Variants in MTM1 observed in about 807,000 individuals in gnomAD.
The protein encoded by MTM1 is myotubularin.
Under a neutral mutation model 52.1 loss-of-function variants are expected in MTM1, and 9 were observed. The ratio of observed to expected loss-of-function variants is 0.17; its 90% CI spans 0.10 to 0.30. The LOEUF is 0.30. MTM1 is among the 10% of genes least tolerant of loss of function. The pLI is 1.00. For missense variants in MTM1, 277 were observed against 470.7 expected (o/e 0.59, Z 3.81); for synonymous variants, 136 against 163.8 (o/e 0.83, Z 1.29).
rs187356701 is a variant in MTM1, at chrX:150,628,019, A to G, written c.444+8880A>G. Among the ~76,000 whole-genome samples the G allele has an allele frequency of 2.7e-4, 30 of 111,275 alleles. 1 individual carries two copies. The highest frequency in any genetic ancestry group is 9.1e-4 in the African/African-American group (28 of 30,606). On this transcript the variant is annotated intron_variant, in intron 6 of 14. Coordinates refer to ENST00000370396, the MANE Select transcript of MTM1 (RefSeq NM_000252.3). ...GCTTAGCACCAATAATCTAGACAGG[A>G]AGGTTCTCTTGAAGTCCCCAGGTGG... is the stretch of plus-strand genomic sequence containing the variant.
At chrX:150,572,237 T>C (rs782715286) in intron 1 of MTM1, among the ~76,000 whole-genome samples, 22 of 112,159 alleles carry the variant, frequency 2.0e-4, no homozygotes, top group African/African-American at 4.2e-4. Flanking sequence ...ATCTGTAAGA[T>C]AGAGCTAATA....
intron 6 of MTM1, among the ~76,000 whole-genome samples, chrX:150,633,680 CAA>C (rs11335266): frequency 7.5e-4 from 76 of 100,706 alleles, no homozygotes; most frequent in Admixed American, 1.5e-3. Flanking sequence ...AAATCAAATT[CAA>C]AAAAAAAAAA....
At chrX:150,622,629 A>G (rs1166116140) in intron 6 of MTM1, among the ~76,000 whole-genome samples, 2 of 112,141 alleles carry the variant, frequency 1.8e-5, no homozygotes, top group African/African-American at 6.5e-5. Context: ...CAGGAAGAAG[A>G]GACCACATCT....
chrX:150,589,234 C>A (rs2038842416), intron 1 of MTM1, among the ~76,000 whole-genome samples: 2 of 110,713 alleles, frequency 1.8e-5, no homozygotes, highest in Admixed American at 1.9e-4. Flanking sequence ...GAGACCTAGG[C>A]TAGAGTTGTC....
At chrX:150,569,570 G>GC (rs1441036723) in intron 1 of MTM1, among the ~76,000 whole-genome samples, 1 of 111,461 alleles carries the variant, frequency 9.0e-6, no homozygotes, top group Non-Finnish European at 1.9e-5. Flanking sequence ...GGGAACTGAG[G>GC]CCCAGAGAGG....
intron 13 of MTM1, among the ~76,000 whole-genome samples, chrX:150,661,172 C>T (rs2040214203): frequency 9.1e-6 from 1 of 110,418 alleles, no homozygotes; most frequent in South Asian, 4.0e-4. Flanking sequence ...CACAGGTGCA[C>T]ACCACCACAG....
intron 3 of MTM1, 24 bp downstream of exon 3, chrX:150,596,594 T>A (rs2038980672): frequency 8.6e-7 from 1 of 1,162,449 alleles, no homozygotes. Flanking sequence ...GACATAAGAT[T>A]TGCATAACTT....
At chrX:150,667,888 C>T (rs1446097446) in intron 14 of MTM1, among the ~76,000 whole-genome samples, 1 of 112,199 alleles carries the variant, frequency 8.9e-6, no homozygotes, top group East Asian at 2.8e-4. Context: ...AATGGTGTGT[C>T]CCCCAAAGGA....
intron 4 of MTM1, among the ~76,000 whole-genome samples, chrX:150,608,800 C>T (rs1230530864): frequency 9.2e-6 from 1 of 108,246 alleles, no homozygotes; most frequent in Non-Finnish European, 1.9e-5. Flanking sequence ...CATTGCCTTC[C>T]CCAGGATGAT....
chrX:150,579,481 A>G (rs1234352866), intron 1 of MTM1, among the ~76,000 whole-genome samples: 2 of 110,970 alleles, frequency 1.8e-5, no homozygotes, highest in African/African-American at 6.6e-5. Context: ...TTTTTTTGGT[A>G]TTGCAAATGA....
At chrX:150,659,187 T>C (rs1208467560) in intron 11 of MTM1, among the ~76,000 whole-genome samples, 1 of 112,439 alleles carries the variant, frequency 8.9e-6, no homozygotes, top group African/African-American at 3.2e-5. Flanking sequence ...ATGAATACAT[T>C]GTGAGATTTT....
Position 150,595,278 on chromosome X carries a change from T to C in MTM1, c.64-1220T>C, listed in dbSNP as rs1378555483. ...GAGTTCAAGACCAGCCTGGCCAACA[T>C]GGTGAAACCCCGTCTCTACTCAAAA... is the stretch of plus-strand genomic sequence containing the variant. On this transcript the variant is annotated intron_variant, in intron 2 of 14. Transcript: ENST00000370396. 7.2e-5 allele frequency among the ~76,000 whole-genome samples: 8 copies of C among 110,981 alleles called. No individual in the cohort carries two copies. The East Asian group carries it at 2.0e-3, about 28-fold the overall frequency.
intron 13 of MTM1, among the ~76,000 whole-genome samples, chrX:150,662,601 G>A (rs1265480662): frequency 8.9e-6 from 1 of 112,171 alleles, no homozygotes; most frequent in Non-Finnish European, 1.9e-5. Context: ...TGCAATTACA[G>A]GCGTGAGCCA....
chrX:150,609,761 C>T (rs782450640), intron 4 of MTM1, among the ~76,000 whole-genome samples: 1 of 111,436 alleles, frequency 9.0e-6, no homozygotes, highest in African/African-American at 3.3e-5. Context: ...TGCTTTCTAC[C>T]TCGGTCCTTC....
chrX:150,626,761 A>G (rs1557413433), intron 6 of MTM1, among the ~76,000 whole-genome samples: 1 of 112,139 alleles, frequency 8.9e-6, no homozygotes, highest in South Asian at 3.7e-4. Context: ...TCAGAGGGAC[A>G]CTGAAATGAA....
At chrX:150,595,083 C>G (rs2038952528) in intron 2 of MTM1, among the ~76,000 whole-genome samples, 1 of 111,330 alleles carries the variant, frequency 9.0e-6, no homozygotes, top group African/African-American at 3.3e-5. Context: ...CATAACACCC[C>G]TCTTTGACAG....
intron 12 of MTM1, 147 bp from the exon 13 acceptor site, chrX:150,660,224 T>G (rs1385904117): frequency 4.3e-6 from 2 of 469,576 alleles, no homozygotes; most frequent in African/African-American, 2.4e-5. Context: ...AAAGAACAAC[T>G]GTAGTGTGTG....
intron 2 of MTM1, among the ~76,000 whole-genome samples, chrX:150,594,824 A>C (rs985996880): frequency 1.8e-5 from 2 of 111,531 alleles, no homozygotes; most frequent in Non-Finnish European, 3.8e-5. Context: ...TGAGTATTGC[A>C]TTTGCTCGTT....
chrX:150,649,431 G>A (rs1394646284), intron 9 of MTM1, among the ~76,000 whole-genome samples: 4 of 112,340 alleles, frequency 3.6e-5, no homozygotes, highest in African/African-American at 1.3e-4. Flanking sequence ...TGCCTTTCCA[G>A]ATCCGGAAGA....
Sources: gnomAD v4.1 joint callset for allele counts (sites outside exome capture counted in the v4.1 genomes callset) on GRCh38, gnomAD v4.1.1 for gene constraint, MANE v1.5 for transcripts, NCBI Gene and HGNC (gene_info 2026-07-23, HGNC 2026-07-21) for gene names.